Variants in FAM222B observed in about 807,000 individuals in gnomAD.
FAM222B encodes family with sequence similarity 222 member B, also known as protein FAM222B.
FAM222B carries 12 observed loss-of-function variants against 38.0 expected under a neutral mutation model. That is an observed-to-expected ratio of 0.32 (90% confidence interval 0.20 to 0.51). FAM222B has a LOEUF of 0.51. Among genes scored for constraint, FAM222B ranks in the 20% least tolerant of loss-of-function variants. FAM222B has a pLI of 0.97. For synonymous variants in FAM222B, 329 were observed against 317.2 expected (o/e 1.04, Z -0.40); for missense variants, 716 against 754.2 (o/e 0.95, Z 0.59).
Position 28,759,874 on chromosome 17 carries a change from C to G in FAM222B, c.85G>C (p.Asp29His), listed in dbSNP as rs996656229. Reference sequence around the variant, plus strand: ...GCAGTTCTCATTTTCTGTGTAGTGTCCCCTAGAGAGAGAGAATGGGAAGGA... The same window carrying G: ...GCAGTTCTCATTTTCTGTGTAGTGTGCCCTAGAGAGAGAGAATGGGAAGGA... ...TQMNTGLQKW[D>H]TTQKMRTAHY... Residue 29 changes from aspartate to histidine, a missense_variant and splice_region_variant, in exon 3 of 3, where the codon GAC (aspartate) becomes CAC (histidine). Physicochemically the swap from Asp to His is moderately conservative, Grantham distance 81. Coordinates refer to ENST00000581407, the MANE Select transcript of FAM222B (RefSeq NM_001077498.3). This position sits in a 1 kb window ranked among gnomAD's most constrained non-coding sequence, Gnocchi z 4.8. 5 of 1,523,306 alleles carry G rather than the reference C, an allele frequency of 3.3e-6. No individual in the cohort carries two copies. Among genetic ancestry groups the G allele is most frequent in the African/African-American group, 1.4e-5 (1 of 72,520 alleles). 94.4% of individuals were successfully genotyped at this position (1,523,306 alleles called of 1,614,324 possible). A position where few individuals can be genotyped will look rare whatever the true frequency, so the allele number is the denominator to read the frequency against.
intron 1 of FAM222B, among the ~76,000 whole-genome samples, chr17:28,850,785 A>G (rs1007277021): frequency 2.4e-4 from 36 of 152,092 alleles, no homozygotes; most frequent in African/African-American, 8.5e-4. Context: ...GCAGTGTCTG[A>G]CCAATTTTGA....
intron 1 of FAM222B, among the ~76,000 whole-genome samples, chr17:28,786,312 T>C (rs1178457047): frequency 6.6e-6 from 1 of 152,216 alleles, no homozygotes; most frequent in Non-Finnish European, 1.5e-5. Flanking sequence ...AGACAGCAAC[T>C]ATAAGCAAGG....
rs1171994550 is a variant in FAM222B, at chr17:28,760,994, G to T, written c.83-1118C>A. ...AGGGCAGCAGGGAGGGAATTGAGAA[G>T]AAAGGATTCAGAGCATCTTTCAGTC... On this transcript the variant is annotated intron_variant, in intron 2 of 2. Transcript: ENST00000581407. Among the ~76,000 whole-genome samples the T allele has an allele frequency of 2.0e-5, 3 of 152,224 alleles. No individual in the cohort carries two copies. The East Asian group carries it at 5.8e-4, about 29-fold the overall frequency.
chr17:28,805,916 C>A (rs531665042), intron 1 of FAM222B, among the ~76,000 whole-genome samples: 1 of 152,140 alleles, frequency 6.6e-6, no homozygotes, highest in African/African-American at 2.4e-5. Context: ...TGGAGGTGGG[C>A]GTATCACCTG....
chr17:28,777,313 C>T (rs2151826352), intron 1 of FAM222B: 1 of 152,364 alleles, frequency 6.6e-6, no homozygotes, highest in East Asian at 1.9e-4. Flanking sequence ...CCTGTCACAA[C>T]AGGTCCTCTT....
intron 1 of FAM222B, among the ~76,000 whole-genome samples, chr17:28,799,142 T>C (rs897397379): frequency 2.7e-5 from 4 of 148,920 alleles, no homozygotes; most frequent in African/African-American, 9.9e-5. Flanking sequence ...GCCCAGCTAA[T>C]TGTTGTATTT....
chr17:28,802,099 T>TC (rs1473517741), intron 1 of FAM222B, among the ~76,000 whole-genome samples: 1 of 145,124 alleles, frequency 6.9e-6, no homozygotes, highest in African/African-American at 2.5e-5. Context: ...CCCCCAGCTT[T>TC]TTTTTCTGAG....
At chr17:28,779,737 C>A (rs946494318) in intron 1 of FAM222B, among the ~76,000 whole-genome samples, 2 of 150,000 alleles carry the variant, frequency 1.3e-5, no homozygotes, top group Admixed American at 1.3e-4. Flanking sequence ...GGCGACAGAG[C>A]GAGACTCCGT....
rs1039717552 is a variant in FAM222B at position 28,757,451 on chromosome 17, G to A, written c.*819C>T. Reference sequence around the variant, plus strand: ...TTACCTACCTAATTCCTCAAGTAAGGTAGATTTTGTTTTTGTTGAGGGGGA... The same window carrying A: ...TTACCTACCTAATTCCTCAAGTAAGATAGATTTTGTTTTTGTTGAGGGGGA... On this transcript the variant is annotated 3_prime_UTR_variant, in exon 3 of 3. Transcript: ENST00000581407. 1 of 151,886 alleles carries A rather than the reference G, an allele frequency of 6.6e-6. No homozygotes were observed. Among genetic ancestry groups the A allele is most frequent in the Non-Finnish European group, 1.5e-5 (1 of 67,998 alleles). 9.4% of individuals were successfully genotyped at this position (151,886 alleles called of 1,614,324 possible).
At chr17:28,823,451 C>T (rs2038336000) in intron 1 of FAM222B, among the ~76,000 whole-genome samples, 1 of 151,844 alleles carries the variant, frequency 6.6e-6, no homozygotes, top group South Asian at 2.1e-4. Context: ...ACAATCACCA[C>T]TTACTGCAGC....
chr17:28,759,920 C>A lies in FAM222B; in HGVS notation c.83-44G>T, dbSNP rs1203044728. 2 of 1,477,332 alleles carry A rather than the reference C, an allele frequency of 1.4e-6. No individual in the cohort carries two copies. The highest frequency in any genetic ancestry group is 1.8e-6 in the Non-Finnish European group (2 of 1,107,778). 91.5% of individuals were successfully genotyped at this position (1,477,332 alleles called of 1,614,324 possible). A position where few individuals can be genotyped will look rare whatever the true frequency, so the allele number is the denominator to read the frequency against. ...AAGGAGAGCAAAGAGGGAGAGGGAG[C>A]TCATCAGTGCCAAGGCAAACAGCCC... On this transcript the variant is annotated intron_variant, in intron 2 of 2. Transcript: ENST00000581407. The surrounding 1 kb of genome is among the most constrained non-coding windows in gnomAD (Gnocchi z 4.8).
intron 1 of FAM222B, among the ~76,000 whole-genome samples, chr17:28,795,870 ATCTCAGTCTAT>A (rs1300222658): frequency 2.0e-5 from 3 of 152,216 alleles, no homozygotes; most frequent in African/African-American, 7.2e-5. Flanking sequence ...CATTTAGTTA[ATCTCAGTCTAT>A]TCTCCTATGA....
intron 1 of FAM222B, among the ~76,000 whole-genome samples, chr17:28,794,230 T>C (rs958767322): frequency 1.3e-5 from 2 of 151,790 alleles, no homozygotes; most frequent in Non-Finnish European, 2.9e-5. Flanking sequence ...TGCTTTTTTT[T>C]TTTTTGGAGA....
intron 1 of FAM222B, among the ~76,000 whole-genome samples, chr17:28,811,040 A>T (rs2037735738): frequency 6.6e-6 from 1 of 150,702 alleles, no homozygotes; most frequent in South Asian, 2.1e-4. Context: ...ATTTTAATTA[A>T]TATTTATCAA....
At chr17:28,845,399 C>CA (rs765885216), upstream of FAM222B, among the ~76,000 whole-genome samples, 2,968 of 133,986 alleles carry the variant, frequency 0.022, 53 homozygotes, top group Non-Finnish European at 0.026. Context: ...GACTCCATCT[C>CA]AAAAAAAAAA....
Position 28,854,936 on chromosome 17 carries a change from T to A in FAM222B, c.-41+14A>T. The A allele has an allele frequency of 3.6e-6, 5 of 1,379,998 alleles. No individual in the cohort carries two copies. The African/African-American group carries it at 4.3e-5, about 12-fold the overall frequency. 85.5% of individuals were successfully genotyped at this position (1,379,998 alleles called of 1,614,324 possible). A position where few individuals can be genotyped will look rare whatever the true frequency, so the allele number is the denominator to read the frequency against. Reference sequence around the variant, plus strand: ...CATCCCATGTGTCTCGGCTTTCAATTTGGGCAGACCTACCTCTCTCCTACT... The same window carrying A: ...CATCCCATGTGTCTCGGCTTTCAATATGGGCAGACCTACCTCTCTCCTACT... On this transcript the variant is annotated intron_variant, in intron 1 of 2. Coordinates refer to the FAM222B transcript ENST00000577513.
chr17:28,770,134 C>T (rs947393809), intron 1 of FAM222B, among the ~76,000 whole-genome samples: 1 of 152,132 alleles, frequency 6.6e-6, no homozygotes, highest in Non-Finnish European at 1.5e-5. Flanking sequence ...ACCTGTTTTA[C>T]GTCCATCTCT....
intron 1 of FAM222B, among the ~76,000 whole-genome samples, chr17:28,815,405 G>A (rs2037982413): frequency 6.6e-6 from 1 of 151,920 alleles, no homozygotes; most frequent in Non-Finnish European, 1.5e-5. Context: ...TAGTAGAGAC[G>A]GGGTTTCACC....
At chr17:28,786,896 T>C (rs1185123857) in intron 1 of FAM222B, among the ~76,000 whole-genome samples, 1 of 17,488 alleles carries the variant, frequency 5.7e-5, no homozygotes, top group Admixed American at 5.9e-4. Context: ...TTCACTGTAT[T>C]TTTTTTTTTT....
Sources: allele counts gnomAD v4.1 joint callset (sites outside exome capture counted in the v4.1 genomes callset), GRCh38; gene constraint gnomAD v4.1.1; non-coding constraint Gnocchi (gnomAD v3.1); transcripts MANE v1.5; gene names NCBI Gene and HGNC (gene_info 2026-07-23, HGNC 2026-07-21).